The following VAPB variants were observed in gnomAD, a reference collection of about 807,000 sequenced individuals.
VAPB encodes vesicle-associated membrane protein-associated protein B/C.
Under a neutral mutation model 25.6 loss-of-function variants are expected in VAPB, and 7 were observed. The ratio of observed to expected loss-of-function variants is 0.27; its 90% CI spans 0.16 to 0.51. The LOEUF (loss-of-function observed/expected upper bound fraction) is 0.51. Among genes scored for constraint, VAPB ranks in the 20% least tolerant of loss-of-function variants. The probability of loss-of-function intolerance (pLI) is 0.97; values close to 1 mark genes in which losing one functional copy is unlikely to be tolerated. For synonymous variants in VAPB, 112 were observed against 109.2 expected, an observed-to-expected ratio of 1.03 and a Z score of -0.16; for missense variants, 266 against 301.3, an observed-to-expected ratio of 0.88 and a Z score of 0.87.
chr20:58,393,599 A>AT, intron 1 of VAPB, among the ~76,000 whole-genome samples: 1 of 152,064 alleles, frequency 6.6e-6, no homozygotes, highest in Admixed American at 6.5e-5. Context: ...TATGTCATAT[A>AT]TTTTTTGGTC....
chr20:58,424,632 A>C (rs550573407), intron 2 of VAPB, among the ~76,000 whole-genome samples: 2 of 152,254 alleles, frequency 1.3e-5, no homozygotes, highest in Non-Finnish European at 2.9e-5. Context: ...TGGATTTTTG[A>C]AAAAGATTTA....
In VAPB at chr20:58,444,040, C is replaced by G. The variant is rs775729093; in HGVS notation, c.574-37C>G. Reference sequence around the variant, plus strand: ...TACAGTTGACTCCCCTTTCTGGTGCCTTGGCTTGTCTTTGAAATGTGCGTT... The same window carrying G: ...TACAGTTGACTCCCCTTTCTGGTGCGTTGGCTTGTCTTTGAAATGTGCGTT... On this transcript the variant is annotated intron_variant, in intron 5 of 5. Coordinates refer to ENST00000475243, the MANE Select transcript of VAPB (RefSeq NM_004738.5). The G allele has an allele frequency of 4.3e-6, 7 of 1,614,138 alleles. No individual in the cohort carries two copies. The South Asian group carries it at 6.6e-5, about 15-fold the overall frequency.
chr20:58,415,064 A>G (rs185334218), intron 1 of VAPB, among the ~76,000 whole-genome samples: 275 of 152,310 alleles, frequency 1.8e-3, no homozygotes, highest in Middle Eastern at 0.01. Flanking sequence ...CTCCACCAAA[A>G]CCAGTCAGGC....
intron 1 of VAPB, among the ~76,000 whole-genome samples, chr20:58,407,759 A>C (rs1252276569): frequency 6.6e-6 from 1 of 151,714 alleles, no homozygotes; most frequent in East Asian, 1.9e-4. Flanking sequence ...ATGACTTAAC[A>C]TGTTTTTGAG....
rs1264696696 is a variant in VAPB, at chr20:58,438,842, CT to C, written c.316-100del. ...GTTCTTTATTTGATATACATCAGGG[CT>C]TTCTCATTAAGAGTATTTTTCTGAA... On this transcript the variant is annotated intron_variant, in intron 3 of 5. Coordinates refer to ENST00000475243, the MANE Select transcript of VAPB (RefSeq NM_004738.5). 45 of 953,980 alleles carry C rather than the reference CT, an allele frequency of 4.7e-5. No individual in the cohort carries two copies. The African/African-American group carries it at 6.7e-4, about 14-fold the overall frequency. 59.1% of individuals were successfully genotyped at this position (953,980 alleles called of 1,614,324 possible).
At chr20:58,411,698 G>A (rs750745207) in intron 1 of VAPB, among the ~76,000 whole-genome samples, 90 of 151,608 alleles carry the variant, frequency 5.9e-4, no homozygotes, top group Non-Finnish European at 2.6e-4. Context: ...TTTTTGAGAC[G>A]GAGTCTCTTT....
chr20:58,414,213 C>T (rs370155633), intron 1 of VAPB, among the ~76,000 whole-genome samples: 19,562 of 99,404 alleles, frequency 0.2, 1,913 homozygotes, highest in Non-Finnish European at 0.22. Context: ...GGCGGCTGGC[C>T]GGGCGGGGGG....
In VAPB at chr20:58,448,924, C is replaced by T. The variant is rs1989366045; in HGVS notation, c.*4689C>T. ...GGGAGCGCTTTATATGGAGGCTTTA[C>T]ATGACTTGTAAATTAAATGTGAATG... On this transcript the variant is annotated 3_prime_UTR_variant, in exon 6 of 6. Coordinates refer to ENST00000475243, the MANE Select transcript of VAPB (RefSeq NM_004738.5). 2.2e-6 allele frequency: 1 copy of T among 454,052 alleles called. No individual in the cohort carries two copies. Among genetic ancestry groups the T allele is most frequent in the Non-Finnish European group, 4.4e-6 (1 of 226,798 alleles). 28.1% of individuals were successfully genotyped at this position (454,052 alleles called of 1,614,324 possible).
chr20:58,405,342 C>T (rs988046603), intron 1 of VAPB, among the ~76,000 whole-genome samples: 2 of 152,016 alleles, frequency 1.3e-5, no homozygotes, highest in Admixed American at 6.5e-5. Flanking sequence ...GAGGGGCCTG[C>T]GGGGAGATGA....
intron 2 of VAPB, among the ~76,000 whole-genome samples, chr20:58,428,180 A>G (rs1988849139): frequency 6.6e-6 from 1 of 152,214 alleles, no homozygotes; most frequent in South Asian, 2.1e-4. Context: ...TCTGATCTTA[A>G]TGATCCAATG....
intron 4 of VAPB, chr20:58,439,845 C>T (rs1012937693): frequency 6.6e-6 from 1 of 152,156 alleles, no homozygotes; most frequent in African/African-American, 2.4e-5. Flanking sequence ...GACTTCCCTT[C>T]AACCTAGTCG....
chr20:58,438,665 G>A (rs1486893851), intron 3 of VAPB, among the ~76,000 whole-genome samples: 1 of 152,166 alleles, frequency 6.6e-6, no homozygotes, highest in East Asian at 1.9e-4. Flanking sequence ...TTCAGTGGTG[G>A]GCCTGTCCCA....
intron 2 of VAPB, among the ~76,000 whole-genome samples, chr20:58,426,860 C>T (rs1988795825): frequency 1.3e-5 from 2 of 152,044 alleles, no homozygotes; most frequent in African/African-American, 2.4e-5. Context: ...AGAGAGATTT[C>T]GAAGATAAGA....
rs1392934269 is a variant in VAPB at position 58,448,911 on chromosome 20, T to G, written c.*4676T>G. 1 of 453,990 alleles carries G rather than the reference T, an allele frequency of 2.2e-6. No homozygotes were observed. Among genetic ancestry groups the G allele is most frequent in the African/African-American group, 2.0e-5 (1 of 49,994 alleles). The allele number at this position is 453,990 out of a possible 1,614,324, so 28.1% of individuals were successfully genotyped here. Reference sequence around the variant, plus strand: ...GCAAGGAGATGATGGGAGCGCTTTATATGGAGGCTTTACATGACTTGTAAA... The same window carrying G: ...GCAAGGAGATGATGGGAGCGCTTTAGATGGAGGCTTTACATGACTTGTAAA... On this transcript the variant is annotated 3_prime_UTR_variant, in exon 6 of 6. Coordinates refer to ENST00000475243, the MANE Select transcript of VAPB (RefSeq NM_004738.5).
intron 1 of VAPB, among the ~76,000 whole-genome samples, chr20:58,392,132 T>G (rs539346198): frequency 6.6e-6 from 1 of 152,352 alleles, no homozygotes; most frequent in African/African-American, 2.4e-5. Context: ...TTAGGCCACT[T>G]CACTCCTCAA....
chr20:58,415,301 G>A (rs1988512042), intron 1 of VAPB, among the ~76,000 whole-genome samples: 1 of 152,202 alleles, frequency 6.6e-6, no homozygotes, highest in Non-Finnish European at 1.5e-5. Context: ...TTCATTTTCA[G>A]TTCATTAGTG....
At chr20:58,421,631 C>T (rs566788055) in intron 2 of VAPB, among the ~76,000 whole-genome samples, 3 of 152,132 alleles carry the variant, frequency 2.0e-5, no homozygotes, top group African/African-American at 7.2e-5. Flanking sequence ...TCTGAAAACC[C>T]TTGGAATGCA....
intron 2 of VAPB, chr20:58,430,975 A>G (rs1245030332): frequency 6.6e-6 from 1 of 152,242 alleles, no homozygotes; most frequent in Non-Finnish European, 1.5e-5. Context: ...GTGAATGCAT[A>G]TGAAGAAAAA....
Position 58,444,479 on chromosome 20 carries a change from T to C in VAPB, c.*244T>C, listed in dbSNP as rs1344352487. Reference sequence around the variant, plus strand: ...GGGGGAAAAGAATGATCTTTATTAATGACAAGGGAAACCATGAGTAATGCC... The same window carrying C: ...GGGGGAAAAGAATGATCTTTATTAACGACAAGGGAAACCATGAGTAATGCC... On this transcript the variant is annotated 3_prime_UTR_variant, in exon 6 of 6. Transcript: ENST00000475243. 1.6e-6 allele frequency: 1 copy of C among 643,378 alleles called. No homozygotes were observed. The highest frequency in any genetic ancestry group is 2.1e-5 in the Admixed American group (1 of 47,718). 39.9% of individuals were successfully genotyped at this position (643,378 alleles called of 1,614,324 possible).
Sources: gnomAD v4.1 joint callset for allele counts (sites outside exome capture counted in the v4.1 genomes callset) on GRCh38, gnomAD v4.1.1 for gene constraint, MANE v1.5 for transcripts, NCBI Gene and HGNC (gene_info 2026-07-23, HGNC 2026-07-21) for gene names.